The following TNFSF4 variants were observed in gnomAD, a reference collection of about 807,000 sequenced individuals.
TNFSF4 encodes the protein TNF superfamily member 4, also known as tumor necrosis factor ligand superfamily member 4.
Under a neutral mutation model 7.3 loss-of-function variants are expected in TNFSF4, and 4 were observed. The observed-to-expected ratio is 0.55, with a 90% CI of 0.27 to 1.25. The LOEUF (loss-of-function observed/expected upper bound fraction) is 1.25, where lower values mean the gene tolerates loss of function less well. TNFSF4 is among the 50% of genes most tolerant of loss of function. The pLI is 0.12. For missense variants in TNFSF4, 181 were observed against 208.8 expected, an observed-to-expected ratio of 0.87 and a Z score of 0.82; for synonymous variants, 76 against 83.7, an observed-to-expected ratio of 0.91 and a Z score of 0.50.
At chr1:173,200,567 A>C (rs1283692023) in intron 1 of TNFSF4, among the ~76,000 whole-genome samples, 1 of 152,240 alleles carries the variant, frequency 6.6e-6, no homozygotes, top group Non-Finnish European at 1.5e-5. Flanking sequence ...TATGTTTTAC[A>C]TTACTAAACT....
the TNFSF4 span, among the ~76,000 whole-genome samples, chr1:173,229,610 A>G: frequency 6.6e-6 from 1 of 152,218 alleles, no homozygotes; most frequent in Non-Finnish European, 1.5e-5. Context: ...AATGGGCTAA[A>G]TGCTCCAATT....
the TNFSF4 span, among the ~76,000 whole-genome samples, chr1:173,430,979 A>C: frequency 6.6e-6 from 1 of 152,200 alleles, no homozygotes; most frequent in Non-Finnish European, 1.5e-5. Context: ...GCAGCCTCCA[A>C]AGTGGTAAAT....
chr1:173,223,340 T>A, the TNFSF4 span, among the ~76,000 whole-genome samples: 40 of 152,314 alleles, frequency 2.6e-4, no homozygotes, highest in African/African-American at 9.4e-4. Context: ...CTGGTAGCAA[T>A]GAACATTTCC....
chr1:173,276,124 G>C, the TNFSF4 span, among the ~76,000 whole-genome samples: 1 of 151,990 alleles, frequency 6.6e-6, no homozygotes, highest in South Asian at 2.1e-4. Flanking sequence ...TCATACCTAA[G>C]AATGAAAAAC....
the TNFSF4 span, among the ~76,000 whole-genome samples, chr1:173,409,552 T>C: frequency 6.6e-6 from 1 of 152,174 alleles, no homozygotes; most frequent in African/African-American, 2.4e-5. Flanking sequence ...TTCTTTAGGA[T>C]TGAAATTATT....
At chr1:173,386,837 G>T in the TNFSF4 span, among the ~76,000 whole-genome samples, 106,999 of 152,124 alleles carry the variant, frequency 0.7, 37,795 homozygotes, top group African/African-American at 0.78. Flanking sequence ...TTATTCTCAA[G>T]CCTCAAGATT....
chr1:173,341,019 G>T, the TNFSF4 span, among the ~76,000 whole-genome samples: 12 of 152,046 alleles, frequency 7.9e-5, no homozygotes, highest in Admixed American at 7.9e-4. Flanking sequence ...GAGATCTGAT[G>T]GTTTTATAAG....
the TNFSF4 span, among the ~76,000 whole-genome samples, chr1:173,262,266 A>G: frequency 6.6e-6 from 1 of 152,228 alleles, no homozygotes; most frequent in African/African-American, 2.4e-5. Context: ...AAAGGCTTTC[A>G]CTAAAATTCA....
the TNFSF4 span, among the ~76,000 whole-genome samples, chr1:173,402,089 CTTT>C: frequency 6.6e-6 from 1 of 152,128 alleles, no homozygotes; most frequent in Non-Finnish European, 1.5e-5. Context: ...TCCTAAGCTT[CTTT>C]TTTTATGCTC....
At chr1:173,187,815 G>A (rs773399843) in intron 2 of TNFSF4, among the ~76,000 whole-genome samples, 5 of 152,120 alleles carry the variant, frequency 3.3e-5, no homozygotes, top group East Asian at 1.9e-4. Context: ...GAATAGCCAA[G>A]TAACCACATC....
At chr1:173,395,667 A>C in the TNFSF4 span, among the ~76,000 whole-genome samples, 1 of 151,988 alleles carries the variant, frequency 6.6e-6, no homozygotes, top group Admixed American at 6.6e-5. Context: ...CAACTGGCTG[A>C]AATACAACAC....
the TNFSF4 span, among the ~76,000 whole-genome samples, chr1:173,359,405 T>TA: frequency 1.3e-5 from 2 of 150,040 alleles, no homozygotes; most frequent in Non-Finnish European, 3.0e-5. Context: ...ACACAGTTCT[T>TA]AGACAAGCAT....
the TNFSF4 span, among the ~76,000 whole-genome samples, chr1:173,296,296 G>T: frequency 6.6e-6 from 1 of 151,960 alleles, no homozygotes; most frequent in Non-Finnish European, 1.5e-5. Flanking sequence ...GTCTCATTAC[G>T]TGAATTTCAG....
chr1:173,175,618 T>C, the TNFSF4 span: 3 of 152,236 alleles, frequency 2.0e-5, no homozygotes, highest in Admixed American at 2.0e-4. Flanking sequence ...GCACAACTTG[T>C]GCTGCCACTT....
At chr1:173,317,052 G>A in the TNFSF4 span, among the ~76,000 whole-genome samples, 2 of 152,090 alleles carry the variant, frequency 1.3e-5, no homozygotes, top group African/African-American at 4.8e-5. Context: ...TGGGACTTCA[G>A]TCATAAAAAA....
chr1:173,348,353 T>G, the TNFSF4 span, among the ~76,000 whole-genome samples: 1 of 152,218 alleles, frequency 6.6e-6, no homozygotes, highest in Non-Finnish European at 1.5e-5. Flanking sequence ...ATGTGAGGCA[T>G]GCCTTTTACC....
At chr1:173,325,565 A>G in the TNFSF4 span, among the ~76,000 whole-genome samples, 1 of 152,132 alleles carries the variant, frequency 6.6e-6, no homozygotes, top group African/African-American at 2.4e-5. Context: ...CAAAAAATCA[A>G]TGAATCCAGG....
chr1:173,280,855 C>T, the TNFSF4 span, among the ~76,000 whole-genome samples: 29,300 of 152,074 alleles, frequency 0.19, 3,495 homozygotes, highest in Admixed American at 0.31. Flanking sequence ...CTTAGCCTAA[C>T]TTTAGAGATG....
the TNFSF4 span, among the ~76,000 whole-genome samples, chr1:173,433,479 G>C: frequency 2.6e-5 from 4 of 151,816 alleles, no homozygotes; most frequent in African/African-American, 9.7e-5. Flanking sequence ...TGGAACTCTT[G>C]AGTCCAGGAG....
Sources: gnomAD v4.1 joint callset for allele counts (sites outside exome capture counted in the v4.1 genomes callset) on GRCh38, gnomAD v4.1.1 for gene constraint, MANE v1.5 for transcripts, NCBI Gene and HGNC (gene_info 2026-07-23, HGNC 2026-07-21) for gene names.